Variants in DSP observed in about 807,000 individuals in gnomAD.
DSP encodes 250/210 kDa paraneoplastic pemphigus antigen.
In DSP, 114 loss-of-function variants were observed where a neutral mutation model predicts 290.6. That is an observed-to-expected ratio of 0.39 (90% CI 0.34 to 0.46). The LOEUF (loss-of-function observed/expected upper bound fraction) is 0.46, where lower values mean the gene tolerates loss of function less well. Among genes scored for constraint, DSP ranks in the 20% least tolerant of loss-of-function variants. DSP has a pLI of 0.99. For missense variants in DSP, 3,230 were observed against 3,495.8 expected, an observed-to-expected ratio of 0.92 and a Z score of 1.92; for synonymous variants, 1,311 against 1,316.4, an observed-to-expected ratio of 1.00 and a Z score of 0.09.
rs926411 is a variant in DSP, at chr6:7,571,641, G to A, written c.1903+57G>A. ...ACCATCCATACCATTTTAAAAAGAAGGGAGTTTGCATAAAACTGGTTTCAG... is the reference window on the plus strand; with the variant it reads ...ACCATCCATACCATTTTAAAAAGAAAGGAGTTTGCATAAAACTGGTTTCAG... On this transcript the variant is annotated intron_variant, in intron 14 of 23. Transcript: ENST00000379802. 0.78 allele frequency: 1,247,066 copies of A among 1,608,708 alleles called. 485,931 individuals carry two copies. Among genetic ancestry groups the A allele is most frequent in the African/African-American group, 0.96 (72,052 of 74,926 alleles).
intron 1 of DSP, among the ~76,000 whole-genome samples, chr6:7,544,479 TTTTC>T (rs1162251978): frequency 4.2e-5 from 6 of 143,590 alleles, no homozygotes; most frequent in Non-Finnish European, 6.2e-5. Flanking sequence ...TGTGGTTTTC[TTTTC>T]TTTCTTTCTT....
chr6:7,566,863 C>T (rs1411832742), intron 8 of DSP, among the ~76,000 whole-genome samples: 1 of 152,170 alleles, frequency 6.6e-6, no homozygotes, highest in East Asian at 1.9e-4. Flanking sequence ...CTTTGGGCCA[C>T]GCTCAAGGCT....
Position 7,580,839 on chromosome 6 carries a change from C to G in DSP, c.4649C>G (p.Thr1550Ser), listed in dbSNP as rs928167721. 4.3e-6 allele frequency: 7 copies of G among 1,614,134 alleles called. No individual in the cohort carries two copies. The highest frequency in any genetic ancestry group is 5.9e-6 in the Non-Finnish European group (7 of 1,180,038). The change falls in exon 23 of 24, where the codon ACT (threonine) becomes AGT (serine). Residue 1550 changes from threonine to serine, a missense_variant. Coordinates refer to ENST00000379802, the MANE Select transcript of DSP (RefSeq NM_004415.4). This position sits in a 1 kb window ranked among gnomAD's most constrained non-coding sequence, Gnocchi z 4.2. The stretch of plus-strand genomic sequence containing the variant: ...TATGAAAGGGTTTCCCAGGAGAGGA[C>G]TGTGAAGGACCAGGATATCACGCGG... ...IDYERVSQER[T>S]VKDQDITRFQ...
Position 7,570,542 on chromosome 6 carries a change from C to T in DSP, c.1680C>T (p.Ile560=), listed in dbSNP as rs397516920. 6.2e-7 allele frequency: 1 copy of T among 1,613,570 alleles called. No individual in the cohort carries two copies. Among genetic ancestry groups the T allele is most frequent in the Non-Finnish European group, 8.5e-7 (1 of 1,180,030 alleles). The change falls in exon 13 of 24, where the codon ATC becomes ATT. Residue 560 remains isoleucine (I), a synonymous_variant. Coordinates refer to ENST00000379802, the MANE Select transcript of DSP (RefSeq NM_004415.4). The part of the protein sequence containing the change: ...WHYCMIDIEK[I]RAMTIAKLKT... ...ACTGCATGATTGACATAGAGAAGAT[C>T]AGGGCCATGACAATCGCCAAGGTAT...
At position 7,565,935 on chromosome 6, in the gene DSP, T is replaced by A. The variant is rs3778338; in HGVS notation, c.939+415T>A. 89,785 of 328,628 alleles carry A rather than the reference T, an allele frequency of 0.27. 13,099 individuals carry two copies. Among genetic ancestry groups the A allele is most frequent in the East Asian group, 0.47 (5,922 of 12,722 alleles). The allele number at this position is 328,628 out of a possible 1,614,324, so 20.4% of individuals were successfully genotyped here. A position where few individuals can be genotyped will look rare whatever the true frequency, so the allele number is the denominator to read the frequency against. ...GTACAACAAATCCCTGTGATACAAG[T>A]TTACCTGTGTAACAAACCTGCACAT... On this transcript the variant is annotated intron_variant, in intron 7 of 23. Transcript: ENST00000379802. The surrounding 1 kb of genome is among the most constrained non-coding windows in gnomAD (Gnocchi z 4.2).
chr6:7,552,517 C>G (rs1383930062), intron 1 of DSP, among the ~76,000 whole-genome samples: 2 of 145,794 alleles, frequency 1.4e-5, no homozygotes, highest in Non-Finnish European at 3.0e-5. Flanking sequence ...GAGCCGAGAT[C>G]ATGCCACTGC....
rs1759401240 is a variant in DSP, at chr6:7,580,638, TAGAA to T, written c.4451_4454del (p.Glu1484GlyfsTer2). 1 of 1,613,786 alleles carries T rather than the reference TAGAA, an allele frequency of 6.2e-7. No individual in the cohort carries two copies. Among genetic ancestry groups the T allele is most frequent in the Non-Finnish European group, 8.5e-7 (1 of 1,179,976 alleles). Reference sequence around the variant, plus strand: ...ACCATCCAGGATAAAAACAAGGAGATAGAAAGGTTAAAACAACTGATCGACAAAG... The same window carrying T: ...ACCATCCAGGATAAAAACAAGGAGATAGGTTAAAACAACTGATCGACAAAG... On this transcript the variant is annotated frameshift_variant, in exon 23 of 24. Coordinates refer to ENST00000379802, the MANE Select transcript of DSP (RefSeq NM_004415.4). LOFTEE classifies it high-confidence loss of function. This position sits in a 1 kb window ranked among gnomAD's most constrained non-coding sequence, Gnocchi z 4.2.
rs1472492843 is a variant in DSP at position 7,583,715 on chromosome 6, G to A, written c.6453G>A (p.Arg2151=). The change falls in exon 24 of 24, where the codon CGG becomes CGA. Residue 2151 remains arginine, a synonymous_variant. Transcript: ENST00000379802. The surrounding 1 kb of genome is among the most constrained non-coding windows in gnomAD (Gnocchi z 4.0). ...TGCCAAAAGATGTCGCCTTGGCCCG[G>A]GGGCTGATTGATAGAGATTTGTATC... is the stretch of plus-strand genomic sequence containing the variant. ...VFLPKDVALA[R]GLIDRDLYRS... The A allele has an allele frequency of 3.7e-6, 6 of 1,613,926 alleles. No individual in the cohort carries two copies. Among genetic ancestry groups the A allele is most frequent in the Non-Finnish European group, 5.1e-6 (6 of 1,180,022 alleles).
In DSP at chr6:7,583,470, G is replaced by C. The variant is rs41302885; in HGVS notation, c.6208G>C (p.Asp2070His). 1.2e-6 allele frequency: 2 copies of C among 1,614,032 alleles called. No homozygotes were observed. Among genetic ancestry groups the C allele is most frequent in the African/African-American group, 2.7e-5 (2 of 74,902 alleles). ...CCATCGGAATGAGAAGCTGACTGTC[G>C]ACAGTGCCATAGCTCGGGACCTCAT... ...DPHRNEKLTV[D>H]SAIARDLIDF... Residue 2070 changes from aspartate (D) to histidine (H), a missense_variant, in exon 24 of 24, where the codon GAC (aspartate) becomes CAC (histidine). Physicochemically the swap from Asp to His is moderately conservative, Grantham distance 81 (BLOSUM62 -1). Around this residue, in one of 5 missense-constraint regions of DSP, gnomAD observed 1,714 missense variants for 1,844.5 expected, o/e 0.93. Transcript: ENST00000379802. The surrounding 1 kb of genome is among the most constrained non-coding windows in gnomAD (Gnocchi z 4.0).
intron 1 of DSP, among the ~76,000 whole-genome samples, chr6:7,544,752 A>G (rs533693188): frequency 1.3e-5 from 2 of 152,234 alleles, no homozygotes; most frequent in South Asian, 4.2e-4. Context: ...CGTTTTTAGG[A>G]CAGTATTAGA....
chr6:7,565,288 C>A lies in DSP; in HGVS notation c.778-71C>A, dbSNP rs1261380233. 2.5e-6 allele frequency: 4 copies of A among 1,571,286 alleles called. No individual in the cohort carries two copies. The highest frequency in any genetic ancestry group is 1.1e-5 in the South Asian group (1 of 89,960). On this transcript the variant is annotated intron_variant, in intron 6 of 23. Transcript: ENST00000379802. This position sits in a 1 kb window ranked among gnomAD's most constrained non-coding sequence, Gnocchi z 4.2. The stretch of plus-strand genomic sequence containing the variant: ...TTTTTAAAGGGACCACAGGTTTAAT[C>A]TTTAAACCTGCAGAGAACACCAGTC...
chr6:7,567,304 C>CATCT (rs1561686828), intron 8 of DSP, 50 bp from the exon 9 acceptor site: 1 of 1,421,810 alleles, frequency 7.0e-7, no homozygotes, highest in South Asian at 1.1e-5. Flanking sequence ...GGTGTTCATG[C>CATCT]ATCTGTACAA....
At chr6:7,568,611 T>C (rs554937981) in intron 11 of DSP, 22 bp downstream of exon 11, 1 of 1,613,106 alleles carries the variant, frequency 6.2e-7, no homozygotes. Flanking sequence ...TTTAGAATGA[T>C]ACAAAAGTTT....
In DSP at chr6:7,579,130, A is replaced by T. The variant is rs2806227; in HGVS notation, c.3085-145A>T. ...TGATGAGAATCCAGATTTCTTGAAT[A>T]TTTGCCTAGTCACTCTTTGCATGTA... On this transcript the variant is annotated intron_variant, in intron 22 of 23. Coordinates refer to ENST00000379802, the MANE Select transcript of DSP (RefSeq NM_004415.4). The surrounding 1 kb of genome is among the most constrained non-coding windows in gnomAD (Gnocchi z 4.1). The T allele has an allele frequency of 0.7, 769,700 of 1,100,540 alleles. 270,692 individuals carry two copies. The highest frequency in any genetic ancestry group is 0.81 in the East Asian group (31,283 of 38,496). The allele number at this position is 1,100,540 out of a possible 1,614,324, so 68.2% of individuals were successfully genotyped here.
chr6:7,550,077 G>A (rs539483026), intron 1 of DSP, among the ~76,000 whole-genome samples: 3 of 151,230 alleles, frequency 2.0e-5, no homozygotes, highest in Non-Finnish European at 2.9e-5. Flanking sequence ...TTGTTCTTTC[G>A]CCCAGGTTGG....
rs772041102 is a variant in DSP, at chr6:7,554,125, A to ACACACC, written c.171-1592_171-1591insACACCC. Among the ~76,000 whole-genome samples the ACACACC allele has an allele frequency of 2.5e-3, 354 of 144,462 alleles. 2 individuals carry two copies. The highest frequency in any genetic ancestry group is 8.6e-3 in the African/African-American group (323 of 37,408). The allele number at this position is 144,462 out of a possible 152,430, so 94.8% of individuals were successfully genotyped here. A position where few individuals can be genotyped will look rare whatever the true frequency, so the allele number is the denominator to read the frequency against. On this transcript the variant is annotated intron_variant, in intron 1 of 23. Coordinates refer to ENST00000379802, the MANE Select transcript of DSP (RefSeq NM_004415.4). The stretch of plus-strand genomic sequence containing the variant: ...CACACACACACACACACACACACAC[A>ACACACC]CCCAGTTGGTTAGACAGGCATCAGA...
chr6:7,554,127 C>CACACACACACACA (rs1171658955), intron 1 of DSP, among the ~76,000 whole-genome samples: 32 of 23,978 alleles, frequency 1.3e-3, no homozygotes, highest in African/African-American at 4.4e-3. Flanking sequence ...ACACACACAC[C>CACACACACACACA]CAGTTGGTTA....
Position 7,580,267 on chromosome 6 carries a change from C to A in DSP, c.4077C>A (p.Ile1359=), listed in dbSNP as rs747249306. The change falls in exon 23 of 24, where the codon ATC becomes ATA. Residue 1359 remains isoleucine (I), a synonymous_variant. Coordinates refer to ENST00000379802, the MANE Select transcript of DSP (RefSeq NM_004415.4). The surrounding 1 kb of genome is among the most constrained non-coding windows in gnomAD (Gnocchi z 4.2). ...SKVRNNYDEE[I]ISLKNQFETE... ...TAAGAAACAATTATGATGAGGAGAT[C>A]ATTAGCTTAAAAAATCAGTTTGAGA... The A allele has an allele frequency of 6.2e-7, 1 of 1,613,626 alleles. No individual in the cohort carries two copies. Among genetic ancestry groups the A allele is most frequent in the African/African-American group, 1.3e-5 (1 of 74,828 alleles).
At chr6:7,558,653 A>G (rs1160561070) in intron 3 of DSP, among the ~76,000 whole-genome samples, 1 of 151,490 alleles carries the variant, frequency 6.6e-6, no homozygotes, top group African/African-American at 2.4e-5. Flanking sequence ...TAGTTGGGCT[A>G]TCGGCATGTG....
Sources: allele counts gnomAD v4.1 joint callset (sites outside exome capture counted in the v4.1 genomes callset), GRCh38; gene constraint gnomAD v4.1.1; regional missense constraint gnomAD v4.1.1; non-coding constraint Gnocchi (gnomAD v3.1); transcripts MANE v1.5; gene names NCBI Gene and HGNC (gene_info 2026-07-23, HGNC 2026-07-21).